Variants in HERC2 observed in about 807,000 individuals in gnomAD.
HERC2 encodes the protein HECT and RLD domain containing E3 ubiquitin protein ligase 2, also known as E3 ubiquitin-protein ligase HERC2.
Under a neutral mutation model 537.7 loss-of-function variants are expected in HERC2, and 102 were observed. The observed-to-expected ratio is 0.19, with a 90% CI of 0.16 to 0.22. The LOEUF (loss-of-function observed/expected upper bound fraction) is 0.22. HERC2 is among the 10% of genes least tolerant of loss of function. The probability of loss-of-function intolerance (pLI) is 1.00; values close to 1 mark genes in which losing one functional copy is unlikely to be tolerated. For synonymous variants in HERC2, 2,224 were observed against 2,466.2 expected, an observed-to-expected ratio of 0.90 and a Z score of 2.91; for missense variants, 4,236 against 6,198.2, an observed-to-expected ratio of 0.68 and a Z score of 10.63.
intron 68 of HERC2, among the ~76,000 whole-genome samples, chr15:28,164,253 A>T (rs545759741): frequency 7.2e-5 from 11 of 152,250 alleles, no homozygotes; most frequent in African/African-American, 2.4e-4. Flanking sequence ...CTTTCCACAA[A>T]CATAAACAGG....
At chr15:28,282,554 A>G (rs1567114132) in intron 4 of HERC2, among the ~76,000 whole-genome samples, 1 of 152,252 alleles carries the variant, frequency 6.6e-6, no homozygotes, top group Non-Finnish European at 1.5e-5. Flanking sequence ...CAGTGAATGG[A>G]CACAGCAGTA....
intron 14 of HERC2, among the ~76,000 whole-genome samples, chr15:28,263,864 T>G (rs2075482115): frequency 6.6e-6 from 1 of 151,864 alleles, no homozygotes; most frequent in Non-Finnish European, 1.5e-5. Flanking sequence ...AAACCCTGTC[T>G]GTACTAAAAA....
At position 28,141,554 on chromosome 15, in the gene HERC2, G is replaced by A; in HGVS notation, c.11893C>T (p.Leu3965Phe). The change falls in exon 78 of 93, where the codon CTC becomes TTC. Residue 3965 changes from leucine (L) to phenylalanine (F), a missense_variant. Physicochemically the swap from Leu to Phe is conservative, Grantham distance 22. Coordinates refer to ENST00000261609, the MANE Select transcript of HERC2 (RefSeq NM_004667.6). ...ACTTTTGCGCCTTCAATGCCCCCGA[G>A]CTGGCCCCTGTGATTATGTCCCCAT... ...YGWGHNHRGQ[L>F]GGIEGAKVKV... 2 of 1,614,122 alleles carry A rather than the reference G, an allele frequency of 1.2e-6. No individual in the cohort carries two copies. The highest frequency in any genetic ancestry group is 1.7e-6 in the Non-Finnish European group (2 of 1,180,036).
At position 28,142,301 on chromosome 15, in the gene HERC2, C is replaced by T. The variant is rs755843743; in HGVS notation, c.11637G>A (p.Met3879Ile). ...HKWAWFRRYC[M>I]ASRVAVALDK... Reference sequence around the variant, plus strand: ...CAAGGGCCACAGCAACACGGGAGGCCATGCAGTACCTCCGGAACCAGGCCC... The same window carrying T: ...CAAGGGCCACAGCAACACGGGAGGCTATGCAGTACCTCCGGAACCAGGCCC... The change falls in exon 76 of 93, where the codon ATG becomes ATA. Residue 3879 changes from methionine (M) to isoleucine (I), a missense_variant. By Grantham distance (10) the Met-to-Ile change is conservative. This residue lies in a region of HERC2 where 156 missense variants were observed against 172.3 expected (regional missense o/e 0.91). Transcript: ENST00000261609. 6.2e-7 allele frequency: 1 copy of T among 1,614,216 alleles called. No individual in the cohort carries two copies. Among genetic ancestry groups the T allele is most frequent in the South Asian group, 1.1e-5 (1 of 91,084 alleles).
At chr15:28,236,364 C>T (rs1435600387) in intron 26 of HERC2, among the ~76,000 whole-genome samples, 1 of 152,082 alleles carries the variant, frequency 6.6e-6, no homozygotes, top group African/African-American at 2.4e-5. Flanking sequence ...GATCTCGGCT[C>T]ACTGCAACCT....
chr15:28,215,730 G>A lies in HERC2; in HGVS notation c.6101C>T (p.Ala2034Val). The change falls in exon 39 of 93, where the codon GCT (alanine) becomes GTT (valine). Residue 2034 changes from alanine to valine, a missense_variant. Coordinates refer to ENST00000261609, the MANE Select transcript of HERC2 (RefSeq NM_004667.6). The part of the protein sequence containing the change: ...WCTLGFVRSI[A>V]LTPQVCGALS... ...GGCGCCGCATACCTGCGGCGTGAGA[G>A]CGATGCTCCGCACAAACCCCAGCGT... The A allele has an allele frequency of 1.2e-6, 2 of 1,612,046 alleles. No homozygotes were observed. Among genetic ancestry groups the A allele is most frequent in the South Asian group, 1.1e-5 (1 of 90,994 alleles).
intron 35 of HERC2, among the ~76,000 whole-genome samples, chr15:28,223,370 T>G (rs1020292517): frequency 1.3e-5 from 2 of 152,178 alleles, no homozygotes; most frequent in African/African-American, 2.4e-5. Flanking sequence ...AAGGTGGGCT[T>G]GGGCGGACCA....
intron 83 of HERC2, among the ~76,000 whole-genome samples, chr15:28,127,299 C>T (rs7496305): frequency 0.85 from 129,187 of 152,190 alleles, 58,294 homozygotes; most frequent in Non-Finnish European, 0.99. Context: ...GTGCTAGCTC[C>T]GAGGGGAGTC....
chr15:28,144,898 G>A (rs893677051), intron 71 of HERC2, 94 bp from the exon 72 acceptor site: 39 of 1,520,230 alleles, frequency 2.6e-5, no homozygotes, highest in African/African-American at 1.6e-4. Flanking sequence ...TTTCCGTCAC[G>A]TGTGAAGAGC....
At chr15:28,215,301 G>A (rs1899774463) in intron 39 of HERC2, among the ~76,000 whole-genome samples, 1 of 152,140 alleles carries the variant, frequency 6.6e-6, no homozygotes, top group Admixed American at 6.5e-5. Flanking sequence ...TTTAAAAAAA[G>A]CAACATTACA....
chr15:28,315,521 G>A (rs545270170), intron 2 of HERC2: 19 of 397,402 alleles, frequency 4.8e-5, no homozygotes, highest in Middle Eastern at 8.8e-4. Context: ...TTAACAGCCG[G>A]GCACGGTTCA....
chr15:28,300,873 A>G (rs2922704), intron 2 of HERC2, among the ~76,000 whole-genome samples: 8 of 144,220 alleles, frequency 5.5e-5, no homozygotes, highest in South Asian at 2.3e-4. Flanking sequence ...TCAGTGGAAA[A>G]GAGGAAAAAA....
chr15:28,267,577 G>A (rs887568778), intron 12 of HERC2, among the ~76,000 whole-genome samples: 1 of 152,106 alleles, frequency 6.6e-6, no homozygotes, highest in South Asian at 2.1e-4. Flanking sequence ...TTTTTCACTC[G>A]TCTTAGATTT....
In HERC2 at chr15:28,222,209, C is replaced by A. The variant is rs763335557; in HGVS notation, c.5471G>T (p.Ser1824Ile). The change falls in exon 36 of 93, where the codon AGT becomes ATT. Residue 1824 changes from serine to isoleucine, a missense_variant. Physicochemically the swap from Ser to Ile is moderately radical, Grantham distance 142. This residue lies in a region of HERC2 where 343 missense variants were observed against 417.2 expected (regional missense o/e 0.82). Transcript: ENST00000261609. Reference sequence around the variant, plus strand: ...CATATCTTCCTCAACGTTGTCACAACTGGGGCCTGATGGAGCGTCAAAAAC... The same window carrying A: ...CATATCTTCCTCAACGTTGTCACAAATGGGGCCTGATGGAGCGTCAAAAAC... ...TQTALRLIGP[S>I]CDNVEEDMNA... 7 of 1,593,496 alleles carry A rather than the reference C, an allele frequency of 4.4e-6. No individual in the cohort carries two copies. Among genetic ancestry groups the A allele is most frequent in the African/African-American group, 1.3e-5 (1 of 74,718 alleles).
chr15:28,258,252 C>T (rs932026100), intron 16 of HERC2, among the ~76,000 whole-genome samples: 2 of 152,026 alleles, frequency 1.3e-5, no homozygotes, highest in African/African-American at 2.4e-5. Flanking sequence ...GCGGGGATCA[C>T]CTGAGGTCAG....
intron 69 of HERC2, among the ~76,000 whole-genome samples, chr15:28,156,981 C>T (rs1893076944): frequency 6.6e-6 from 1 of 152,134 alleles, no homozygotes; most frequent in Non-Finnish European, 1.5e-5. Context: ...TTGTCAAAGG[C>T]CTTTTCTGCA....
chr15:28,163,382 C>T, intron 68 of HERC2, 97 bp from the exon 69 acceptor site: 4 of 1,098,282 alleles, frequency 3.6e-6, no homozygotes, highest in Non-Finnish European at 5.2e-6. Flanking sequence ...CACATGAATA[C>T]CAACGAGTAA....
Position 28,220,626 on chromosome 15 carries a change from G to A in HERC2, c.5671C>T (p.Leu1891=). 6.2e-7 allele frequency: 1 copy of A among 1,604,126 alleles called. No individual in the cohort carries two copies. The highest frequency in any genetic ancestry group is 8.5e-7 in the Non-Finnish European group (1 of 1,179,816). Reference sequence around the variant, plus strand: ...CCCAGCTCACCAATCACGCGGCCTAGGCCTGGAGGAGGCCCATCCTGAGAA... The same window carrying A: ...CCCAGCTCACCAATCACGCGGCCTAAGCCTGGAGGAGGCCCATCCTGAGAA... ...WGDQDGPPPG[L]GRVIGELGED... The change falls in exon 37 of 93, where the codon CTA becomes TTA. Residue 1891 remains leucine (L), a synonymous_variant. Transcript: ENST00000261609.
chr15:28,195,567 G>A (rs1897279174), intron 52 of HERC2, among the ~76,000 whole-genome samples: 2 of 152,108 alleles, frequency 1.3e-5, no homozygotes, highest in East Asian at 1.9e-4. Flanking sequence ...AATACATTAC[G>A]CTAAACACAA....
Sources: gnomAD v4.1 joint callset for allele counts (sites outside exome capture counted in the v4.1 genomes callset) on GRCh38, gnomAD v4.1.1 for gene constraint, gnomAD v4.1.1 regional missense constraint, MANE v1.5 for transcripts, NCBI Gene and HGNC (gene_info 2026-07-23, HGNC 2026-07-21) for gene names.